Variants in KCNT2 observed in about 807,000 individuals in gnomAD.
KCNT2 encodes potassium sodium-activated channel subfamily T member 2.
KCNT2 carries 67 observed loss-of-function variants against 153.8 expected under a neutral mutation model. The ratio of observed to expected loss-of-function variants is 0.44; its 90% CI spans 0.36 to 0.53. KCNT2 has a LOEUF of 0.53. Among genes scored for constraint, KCNT2 ranks in the 20% least tolerant of loss-of-function variants. The pLI, the probability that KCNT2 is intolerant of heterozygous loss-of-function variation, is 0.00. For missense variants in KCNT2, 975 were observed against 1,354.8 expected (o/e 0.72, Z 4.40); for synonymous variants, 500 against 458.8 (o/e 1.09, Z -1.15).
intron 9 of KCNT2, among the ~76,000 whole-genome samples, chr1:196,429,326 A>T (rs768095302): frequency 1.3e-5 from 2 of 152,068 alleles, no homozygotes; most frequent in South Asian, 2.1e-4. Flanking sequence ...TACTAAAAAA[A>T]ATCTTGAATG....
intron 1 of KCNT2, among the ~76,000 whole-genome samples, chr1:196,597,722 A>G (rs1179418906): frequency 6.6e-6 from 1 of 152,174 alleles, no homozygotes; most frequent in Non-Finnish European, 1.5e-5. Context: ...AAGTCATACT[A>G]TGTACCTACA....
intron 1 of KCNT2, among the ~76,000 whole-genome samples, chr1:196,606,253 G>T (rs1021580965): frequency 6.6e-6 from 1 of 152,068 alleles, no homozygotes; most frequent in African/African-American, 2.4e-5. Flanking sequence ...CTTTCCCAAG[G>T]CCACTCAGCT....
At chr1:196,415,554 A>C (rs1672684813) in intron 12 of KCNT2, among the ~76,000 whole-genome samples, 1 of 151,706 alleles carries the variant, frequency 6.6e-6, no homozygotes, top group South Asian at 2.1e-4. Flanking sequence ...AAAGAGGTGA[A>C]TGATACAGCC....
At chr1:196,468,417 A>C (rs1339998220) in intron 6 of KCNT2, among the ~76,000 whole-genome samples, 3 of 152,126 alleles carry the variant, frequency 2.0e-5, no homozygotes, top group East Asian at 3.8e-4. Flanking sequence ...TAACTTTATT[A>C]AATTGCGATT....
intron 11 of KCNT2, among the ~76,000 whole-genome samples, chr1:196,423,510 T>G (rs886142403): frequency 5.3e-5 from 8 of 151,934 alleles, no homozygotes; most frequent in African/African-American, 1.9e-4. Context: ...TCCTCTGTAT[T>G]CATAAGTAAA....
intron 3 of KCNT2, among the ~76,000 whole-genome samples, chr1:196,487,855 T>C (rs1027075256): frequency 1.3e-5 from 2 of 152,024 alleles, no homozygotes; most frequent in Non-Finnish European, 2.9e-5. Context: ...TCTCTATCAC[T>C]TGATGTTAAA....
At chr1:196,603,438 T>C (rs1388915930) in intron 1 of KCNT2, among the ~76,000 whole-genome samples, 7 of 152,184 alleles carry the variant, frequency 4.6e-5, no homozygotes, top group Non-Finnish European at 7.4e-5. Context: ...TTATAAAATG[T>C]TTAATATGTC....
intron 23 of KCNT2, among the ~76,000 whole-genome samples, chr1:196,284,248 A>AAAAAAATATATATATATAT: frequency 1.0e-4 from 1 of 10,042 alleles, no homozygotes; most frequent in African/African-American, 1.4e-4. Context: ...AAAAAAAAAA[A>AAAAAAATATATATATATAT]ATATATATAT....
intron 1 of KCNT2, among the ~76,000 whole-genome samples, chr1:196,528,604 T>C (rs546803628): frequency 6.6e-6 from 1 of 152,292 alleles, no homozygotes; most frequent in South Asian, 2.1e-4. Flanking sequence ...TGGTCCATTT[T>C]AAAAAGAAGC....
chr1:196,288,443 G>T (rs2147904327), intron 22 of KCNT2, among the ~76,000 whole-genome samples: 2 of 152,194 alleles, frequency 1.3e-5, no homozygotes, highest in Middle Eastern at 3.4e-3. Flanking sequence ...AAAAACTAAA[G>T]TGTTTTTAAG....
chr1:196,373,098 T>C (rs1668668628), intron 14 of KCNT2, 42 bp downstream of exon 14: 1 of 933,122 alleles, frequency 1.1e-6, no homozygotes, highest in South Asian at 1.4e-5. Flanking sequence ...TATTGTTTTT[T>C]ATATAATTTA....
chr1:196,450,846 T>C (rs1309417491), intron 8 of KCNT2, among the ~76,000 whole-genome samples: 1 of 151,864 alleles, frequency 6.6e-6, no homozygotes, highest in Non-Finnish European at 1.5e-5. Context: ...AAAGCTTCTG[T>C]CCCAGAGCTC....
At chr1:196,281,104 C>T (rs1428429708) in intron 24 of KCNT2, 116 bp from the exon 25 acceptor site, 1 of 763,058 alleles carries the variant, frequency 1.3e-6, no homozygotes. Flanking sequence ...ACTCTGTCAC[C>T]CAGGCTACAG....
intron 16 of KCNT2, among the ~76,000 whole-genome samples, chr1:196,335,592 T>G (rs1664948015): frequency 6.6e-6 from 1 of 152,170 alleles, no homozygotes; most frequent in African/African-American, 2.4e-5. Flanking sequence ...TTGACTGAAT[T>G]TATGCAGCGC....
intron 27 of KCNT2, among the ~76,000 whole-genome samples, chr1:196,233,795 G>A (rs1339788367): frequency 6.6e-6 from 1 of 151,418 alleles, no homozygotes; most frequent in African/African-American, 2.4e-5. Context: ...AGTGTTAAGA[G>A]AAATAAGCCA....
chr1:196,569,208 G>T (rs898249397), intron 1 of KCNT2, among the ~76,000 whole-genome samples: 1 of 151,910 alleles, frequency 6.6e-6, no homozygotes, highest in African/African-American at 2.4e-5. Context: ...TTTCTTTCAA[G>T]TTAATTGATT....
intron 14 of KCNT2, among the ~76,000 whole-genome samples, chr1:196,345,059 C>T (rs1271402582): frequency 6.6e-6 from 1 of 152,016 alleles, no homozygotes; most frequent in Non-Finnish European, 1.5e-5. Flanking sequence ...AGCTAATACA[C>T]AAAATATTTA....
intron 13 of KCNT2, 115 bp downstream of exon 13, chr1:196,398,448 C>A: frequency 3.6e-6 from 2 of 552,638 alleles, no homozygotes; most frequent in Non-Finnish European, 6.6e-6. Flanking sequence ...TAATCATTTT[C>A]AGTTCTTTAG....
chr1:196,311,336 G>T (rs968723132), intron 21 of KCNT2, among the ~76,000 whole-genome samples: 2 of 151,628 alleles, frequency 1.3e-5, no homozygotes, highest in African/African-American at 4.8e-5. Context: ...AAACCTAGGG[G>T]CCAAGCATGA....
Sources: gnomAD v4.1 joint callset for allele counts (sites outside exome capture counted in the v4.1 genomes callset) on GRCh38, gnomAD v4.1.1 for gene constraint, MANE v1.5 for transcripts, NCBI Gene and HGNC (gene_info 2026-07-23, HGNC 2026-07-21) for gene names.